RRM1: variants seen among roughly 807,000 people sequenced by gnomAD.
The protein encoded by RRM1 is ribonucleotide reductase catalytic subunit M1.
Under a neutral mutation model 101.5 loss-of-function variants are expected in RRM1, and 19 were observed. The observed-to-expected ratio is 0.19, with a 90% CI of 0.13 to 0.27. The LOEUF (loss-of-function observed/expected upper bound fraction) is 0.27, where lower values mean the gene tolerates loss of function less well. Ranked by LOEUF, RRM1 falls within the 10% of genes least tolerant of loss-of-function variation. The pLI is 1.00. For missense variants in RRM1, 500 were observed against 962.9 expected (o/e 0.52, Z 6.36); for synonymous variants, 298 against 323.4 (o/e 0.92, Z 0.84).
Position 4,138,093 on chromosome 11 carries a change from CT to C in RRM1, c.2191-101del, listed in dbSNP as rs2094617041. 6.3e-6 allele frequency: 2 copies of C among 318,260 alleles called. 1 individual carries two copies. Among genetic ancestry groups the C allele is most frequent in the Non-Finnish European group, 1.1e-5 (2 of 177,174 alleles). 19.7% of individuals were successfully genotyped at this position (318,260 alleles called of 1,614,324 possible). A position where few individuals can be genotyped will look rare whatever the true frequency, so the allele number is the denominator to read the frequency against. ...GGGGGCTGACCCCCCCACCTCCCTC[CT>C]GGACGGGGCGGCTGGACAGGAATGT... On this transcript the variant is annotated intron_variant, in intron 18 of 18. Coordinates refer to ENST00000300738, the MANE Select transcript of RRM1 (RefSeq NM_001033.5).
intron 9 of RRM1, 97 bp downstream of exon 9, chr11:4,120,025 C>T: frequency 2.9e-6 from 2 of 692,858 alleles, no homozygotes; most frequent in Non-Finnish European, 5.1e-6. Flanking sequence ...TTCTAATTAC[C>T]TTTTTTTTAC....
chr11:4,105,578 C>CTTTTTTTTTTTTTTTTTTT, intron 2 of RRM1: 1 of 281,538 alleles, frequency 3.6e-6, no homozygotes, highest in South Asian at 2.5e-5. Flanking sequence ...TTTTTCTTTC[C>CTTTTTTTTTTTTTTTTTTT]TTTTTTTTTT....
chr11:4,113,005 T>C (rs1469852612), intron 7 of RRM1, among the ~76,000 whole-genome samples: 1 of 152,112 alleles, frequency 6.6e-6, no homozygotes, highest in Non-Finnish European at 1.5e-5. Context: ...GGCTGTCAAA[T>C]TGACAGAATA....
At chr11:4,118,965 C>G (rs1440326276) in intron 8 of RRM1, 2 of 152,366 alleles carry the variant, frequency 1.3e-5, no homozygotes, top group African/African-American at 4.8e-5. Flanking sequence ...GTGGTAGAGC[C>G]AGGATTCAAG....
intron 10 of RRM1, 137 bp from the exon 11 acceptor site, chr11:4,122,004 T>G: frequency 2.7e-6 from 2 of 743,314 alleles, no homozygotes; most frequent in Non-Finnish European, 4.3e-6. Flanking sequence ...TGTTTGGGCC[T>G]GAACCTGAAA....
intron 1 of RRM1, among the ~76,000 whole-genome samples, chr11:4,098,047 C>T (rs2094545987): frequency 6.6e-6 from 1 of 151,984 alleles, no homozygotes; most frequent in Admixed American, 6.6e-5. Flanking sequence ...AGAACCATTG[C>T]AGTAAATGAC....
chr11:4,136,072 T>C (rs2094609171), intron 18 of RRM1, among the ~76,000 whole-genome samples: 2 of 151,916 alleles, frequency 1.3e-5, no homozygotes, highest in African/African-American at 4.8e-5. Context: ...TGTTTGACCT[T>C]TCCAAAGAGA....
At chr11:4,114,128 C>T (rs1232738664) in intron 7 of RRM1, among the ~76,000 whole-genome samples, 2 of 149,144 alleles carry the variant, frequency 1.3e-5, no homozygotes, top group East Asian at 2.0e-4. Context: ...GAGCGAGACT[C>T]CGTCTCCAAA....
In RRM1 at chr11:4,138,598, GA is replaced by G. The variant is rs56134721; in HGVS notation, c.*225del. The G allele has an allele frequency of 0.023, 6,896 of 300,524 alleles. 348 individuals are homozygous for G. The highest frequency in any genetic ancestry group is 0.13 in the African/African-American group (5,829 of 45,058). 18.6% of individuals were successfully genotyped at this position (300,524 alleles called of 1,614,324 possible). A position where few individuals can be genotyped will look rare whatever the true frequency, so the allele number is the denominator to read the frequency against. ...ACCAAAATAATGCTTTTGAAAAAAA[GA>G]AAAAAAAAACGGATATATTGAGAAT... is the stretch of plus-strand genomic sequence containing the variant. On this transcript the variant is annotated 3_prime_UTR_variant, in exon 19 of 19. Coordinates refer to ENST00000300738, the MANE Select transcript of RRM1 (RefSeq NM_001033.5).
intron 1 of RRM1, among the ~76,000 whole-genome samples, chr11:4,100,289 C>A (rs2094549305): frequency 6.6e-6 from 1 of 152,174 alleles, no homozygotes; most frequent in African/African-American, 2.4e-5. Context: ...AATCAGAGGG[C>A]CAAATAAATG....
chr11:4,097,278 C>CAAAAAA (rs1221330899), intron 1 of RRM1, among the ~76,000 whole-genome samples: 2 of 68,860 alleles, frequency 2.9e-5, no homozygotes, highest in African/African-American at 5.7e-5. Context: ...CACTCTGTCT[C>CAAAAAA]AAAAAAAAAA....
chr11:4,106,219 C>T lies in RRM1; in HGVS notation c.282C>T (p.Phe94=), dbSNP rs1356730943. 1.9e-6 allele frequency: 3 copies of T among 1,612,712 alleles called. No individual in the cohort carries two copies. The highest frequency in any genetic ancestry group is 1.1e-5 in the South Asian group (1 of 90,820). The stretch of plus-strand genomic sequence containing the variant: ...TGCACAAAGAAACAAAGAAAGTGTT[C>T]AGTGGTAAGTCTGGGGTGAAAAAGT... ...SNLHKETKKV[F]SDVMEDLYNY... The change falls in exon 3 of 19, where the codon TTC becomes TTT. Residue 94 remains phenylalanine (F), a synonymous_variant. Transcript: ENST00000300738.
intron 2 of RRM1, among the ~76,000 whole-genome samples, chr11:4,104,264 A>G (rs11030950): frequency 0.043 from 6,605 of 152,286 alleles, 453 homozygotes; most frequent in African/African-American, 0.15. Flanking sequence ...TATCTGCTGG[A>G]TCTGGGAAGA....
In RRM1 at chr11:4,118,310, T is replaced by C; in HGVS notation, c.651-10T>C. Reference sequence around the variant, plus strand: ...CCTTGCTCTAAGTTGAGACATTTTTTCCCCCGTAGCTGTTTTCTTCTGAGT... The same window carrying C: ...CCTTGCTCTAAGTTGAGACATTTTTCCCCCCGTAGCTGTTTTCTTCTGAGT... On this transcript the variant is annotated splice_polypyrimidine_tract_variant and intron_variant, in intron 7 of 18. Transcript: ENST00000300738. 6.2e-7 allele frequency: 1 copy of C among 1,608,570 alleles called. No homozygotes were observed. Among genetic ancestry groups the C allele is most frequent in the East Asian group, 2.2e-5 (1 of 44,732 alleles).
chr11:4,123,502 C>G (rs2133310779), intron 12 of RRM1, 118 bp downstream of exon 12: 3 of 773,418 alleles, frequency 3.9e-6, no homozygotes, highest in Middle Eastern at 5.2e-4. Flanking sequence ...TAGTTGTAAG[C>G]AGAAGAACAC....
intron 4 of RRM1, among the ~76,000 whole-genome samples, chr11:4,108,168 C>T (rs2094560752): frequency 6.6e-6 from 1 of 152,184 alleles, no homozygotes; most frequent in Non-Finnish European, 1.5e-5. Flanking sequence ...AAATTATCCA[C>T]TTGTGTTTGA....
rs753518990 is a variant in RRM1 at position 4,136,763 on chromosome 11, TTTTA to T, written c.2191-1412_2191-1409del. The stretch of plus-strand genomic sequence containing the variant: ...GTTTGTTTGTTTGTTTGTTTTTTCT[TTTTA>T]TTTATTTATTTATTTATTTTTATTG... On this transcript the variant is annotated intron_variant, in intron 18 of 18. Transcript: ENST00000300738. Among the ~76,000 whole-genome samples the T allele has an allele frequency of 3.4e-3, 508 of 150,556 alleles. 6 individuals are homozygous for T. Among genetic ancestry groups the T allele is most frequent in the Middle Eastern group, 3.4e-3 (1 of 294 alleles).
chr11:4,100,905 T>A (rs1182905272), intron 1 of RRM1, among the ~76,000 whole-genome samples: 1 of 152,242 alleles, frequency 6.6e-6, no homozygotes, highest in Admixed American at 6.5e-5. Context: ...GTTGGATATA[T>A]TCACTATTCC....
At chr11:4,122,118 T>C in intron 10 of RRM1, 23 bp from the exon 11 acceptor site, 2 of 1,587,582 alleles carry the variant, frequency 1.3e-6, no homozygotes, top group Non-Finnish European at 1.7e-6. Flanking sequence ...TTCTTATGAG[T>C]GATTTTGTCC....
Sources: gnomAD v4.1 joint callset for allele counts (sites outside exome capture counted in the v4.1 genomes callset) on GRCh38, gnomAD v4.1.1 for gene constraint, MANE v1.5 for transcripts, NCBI Gene and HGNC (gene_info 2026-07-23, HGNC 2026-07-21) for gene names.